Variants in PCTP observed in about 807,000 individuals in gnomAD.
PCTP encodes the protein START domain-containing protein 2.
PCTP carries 27 observed loss-of-function variants against 31.0 expected under a neutral mutation model. The observed-to-expected ratio is 0.87, with a 90% CI of 0.64 to 1.20. PCTP has a LOEUF of 1.20. PCTP is among the 50% of genes most tolerant of loss of function. The pLI is 0.00. For missense variants in PCTP, 287 were observed against 268.2 expected (o/e 1.07, Z -0.49); for synonymous variants, 108 against 101.2 (o/e 1.07, Z -0.40).
At chr17:55,820,667 A>G (rs1913086316) in intron 3 of PCTP, among the ~76,000 whole-genome samples, 1 of 152,358 alleles carries the variant, frequency 6.6e-6, no homozygotes, top group East Asian at 1.9e-4. Flanking sequence ...TCTAAAATAC[A>G]TAAAGAAATG....
intron 5 of PCTP, among the ~76,000 whole-genome samples, chr17:55,828,781 C>G (rs765077270): frequency 6.6e-6 from 1 of 152,120 alleles, no homozygotes; most frequent in African/African-American, 2.4e-5. Context: ...AAGATGAGAG[C>G]GTGCAGCAGT....
rs750106187 is a variant in PCTP at position 55,767,425 on chromosome 17, A to G, written c.232A>G (p.Arg78Gly). 2 of 1,611,146 alleles carry G rather than the reference A, an allele frequency of 1.2e-6. No homozygotes were observed. Among genetic ancestry groups the G allele is most frequent in the Non-Finnish European group, 1.7e-6 (2 of 1,177,402 alleles). ...LADIYMDSDYRKQWDQYVKEL... is the reference protein window; with the variant it reads ...LADIYMDSDYGKQWDQYVKEL... ...AGACATCTATATGGACTCAGATTAC[A>G]GAAAACAATGGGACCAGTATGTTAA... The change falls in exon 2 of 6, where the codon AGA becomes GGA. Residue 78 changes from arginine to glycine, a missense_variant. Arg to Gly is a moderately radical substitution (Grantham distance 125, BLOSUM62 -2). Coordinates refer to ENST00000268896, the MANE Select transcript of PCTP (RefSeq NM_021213.4).
exon 4 of PCTP, chr17:55,822,965 C>A (rs973969654): frequency 4.1e-6 from 2 of 491,788 alleles, no homozygotes; most frequent in African/African-American, 4.0e-5. Flanking sequence ...CTCATAAGCC[C>A]TGAATTAATT....
intron 1 of PCTP, among the ~76,000 whole-genome samples, chr17:55,759,562 T>C (rs1910231678): frequency 6.6e-6 from 1 of 152,226 alleles, no homozygotes; most frequent in South Asian, 2.1e-4. Context: ...GTGGATGGAC[T>C]TGGACAGCTT....
At chr17:55,804,372 C>T (rs925530343) in intron 3 of PCTP, among the ~76,000 whole-genome samples, 1 of 152,022 alleles carries the variant, frequency 6.6e-6, no homozygotes, top group Admixed American at 6.6e-5. Flanking sequence ...GGGTATATGC[C>T]CAAAGGATTA....
At chr17:55,791,308 A>G (rs1911965271) in intron 3 of PCTP, among the ~76,000 whole-genome samples, 1 of 150,664 alleles carries the variant, frequency 6.6e-6, no homozygotes, top group Admixed American at 6.6e-5. Flanking sequence ...GACAAATGGG[A>G]TCTAATTAAA....
downstream of PCTP, chr17:55,842,902 C>A (rs1045788079): frequency 1.3e-5 from 2 of 152,168 alleles, no homozygotes; most frequent in Admixed American, 1.3e-4. Flanking sequence ...ATAAATAAGA[C>A]AAGCCCTGGA....
At chr17:55,795,224 A>G (rs966844926) in intron 3 of PCTP, among the ~76,000 whole-genome samples, 1 of 152,154 alleles carries the variant, frequency 6.6e-6, no homozygotes, top group African/African-American at 2.4e-5. Context: ...TACCCTTGAA[A>G]GCCTATTATG....
At position 55,771,191 on chromosome 17, in the gene PCTP, C is replaced by T. The variant is rs1234410201; in HGVS notation, c.339+6C>T. The T allele has an allele frequency of 6.3e-7, 1 of 1,597,406 alleles. No homozygotes were observed. Among genetic ancestry groups the T allele is most frequent in the Non-Finnish European group, 8.6e-7 (1 of 1,164,974 alleles). The stretch of plus-strand genomic sequence containing the variant: ...TTCCCATGTCCAACAGAGACGTATC[C>T]TTTCCACAAGGTACTCATTCCCTGG... On this transcript the variant is annotated splice_donor_region_variant and intron_variant, in intron 3 of 5. Coordinates refer to ENST00000268896, the MANE Select transcript of PCTP (RefSeq NM_021213.4).
downstream of PCTP, among the ~76,000 whole-genome samples, chr17:55,845,759 C>G (rs1353876236): frequency 6.6e-6 from 1 of 152,076 alleles, no homozygotes; most frequent in East Asian, 1.9e-4. Context: ...CCGAGCCCCC[C>G]CGTGAGGCCC....
chr17:55,802,960 C>G (rs946750820), intron 3 of PCTP, among the ~76,000 whole-genome samples: 2 of 152,158 alleles, frequency 1.3e-5, no homozygotes, highest in Non-Finnish European at 2.9e-5. Flanking sequence ...TAAGCAAACC[C>G]CATCGTCTCA....
In PCTP at chr17:55,840,049, A is replaced by G. The variant is rs545862450; in HGVS notation, n.506-2678A>G. ...GTCTTTTTATTTTTTCAAAGAAACAACAACAACAGATTTTTTAAAATTTTG... is the reference window on the plus strand; with the variant it reads ...GTCTTTTTATTTTTTCAAAGAAACAGCAACAACAGATTTTTTAAAATTTTG... On this transcript the variant is annotated intron_variant and non_coding_transcript_variant, in intron 5 of 5. Coordinates refer to the PCTP transcript ENST00000576221. 9.9e-4 allele frequency among the ~76,000 whole-genome samples: 150 copies of G among 152,160 alleles called. 1 individual carries two copies. Among genetic ancestry groups the G allele is most frequent in the African/African-American group, 3.5e-3 (144 of 41,528 alleles).
At chr17:55,837,523 C>T (rs932765065) in intron 5 of PCTP, among the ~76,000 whole-genome samples, 5 of 152,146 alleles carry the variant, frequency 3.3e-5, no homozygotes, top group African/African-American at 9.7e-5. Context: ...AATGCCCTTT[C>T]GCCCCATAAA....
chr17:55,797,939 G>C (rs1912237001), intron 3 of PCTP, among the ~76,000 whole-genome samples: 1 of 151,944 alleles, frequency 6.6e-6, no homozygotes, highest in Non-Finnish European at 1.5e-5. Flanking sequence ...AGGAGATCCA[G>C]ATACTAAATT....
intron 4 of PCTP, among the ~76,000 whole-genome samples, chr17:55,774,156 T>C (rs990632103): frequency 3.3e-5 from 5 of 152,174 alleles, no homozygotes; most frequent in South Asian, 2.1e-4. Flanking sequence ...AACCAGACCA[T>C]TATAAGTAAG....
At chr17:55,839,407 G>A (rs962619786) in intron 5 of PCTP, among the ~76,000 whole-genome samples, 2 of 152,242 alleles carry the variant, frequency 1.3e-5, no homozygotes, top group Non-Finnish European at 1.5e-5. Flanking sequence ...CTAGTTCCAC[G>A]TTTCTCAACC....
At chr17:55,836,360 TAGTC>T (rs1255110791) in intron 5 of PCTP, among the ~76,000 whole-genome samples, 1 of 152,244 alleles carries the variant, frequency 6.6e-6, no homozygotes, top group Admixed American at 6.5e-5. Context: ...AAGAGTGGTT[TAGTC>T]CACCATTATG....
intron 5 of PCTP, 82 bp downstream of exon 5, chr17:55,774,941 G>A: frequency 1.4e-6 from 2 of 1,411,514 alleles, no homozygotes; most frequent in Non-Finnish European, 2.0e-6. Flanking sequence ...GGGCTGTCAG[G>A]CTGAAGAGAC....
intron 3 of PCTP, among the ~76,000 whole-genome samples, chr17:55,789,885 A>T (rs917456911): frequency 2.6e-5 from 4 of 152,220 alleles, no homozygotes. Context: ...CTTGATGAAC[A>T]TTGATGCAAA....
Sources: allele counts gnomAD v4.1 joint callset (sites outside exome capture counted in the v4.1 genomes callset), GRCh38; gene constraint gnomAD v4.1.1; transcripts MANE v1.5; gene names NCBI Gene and HGNC (gene_info 2026-07-23, HGNC 2026-07-21).